Variants in DNAH6 observed in about 807,000 individuals in gnomAD.
DNAH6 encodes the protein dynein axonemal heavy chain 6.
Under a neutral mutation model 491.4 loss-of-function variants are expected in DNAH6, and 340 were observed. The ratio of observed to expected loss-of-function variants is 0.69; its 90% CI spans 0.63 to 0.76. The LOEUF is 0.76. Among genes scored for constraint, DNAH6 ranks in the 30% least tolerant of loss-of-function variants. The probability of loss-of-function intolerance (pLI) is 0.00; values close to 1 mark genes in which losing one functional copy is unlikely to be tolerated. For synonymous variants in DNAH6, 1,603 were observed against 1,686.1 expected (o/e 0.95, Z 1.21); for missense variants, 4,443 against 4,972.2 (o/e 0.89, Z 3.20).
intron 11 of DNAH6, among the ~76,000 whole-genome samples, chr2:84,568,497 A>C (rs1681452347): frequency 6.6e-6 from 1 of 152,160 alleles, no homozygotes; most frequent in Non-Finnish European, 1.5e-5. Flanking sequence ...CTCACTTATA[A>C]GTAGAAGCTG....
At chr2:84,649,896 C>T (rs2104547247) in intron 33 of DNAH6, among the ~76,000 whole-genome samples, 1 of 152,230 alleles carries the variant, frequency 6.6e-6, no homozygotes, top group South Asian at 2.1e-4. Flanking sequence ...TGTAACAAAC[C>T]TGCACATCCT....
the DNAH6 span, among the ~76,000 whole-genome samples, chr2:84,483,974 G>T: frequency 3.3e-5 from 5 of 152,156 alleles, no homozygotes; most frequent in Admixed American, 6.5e-5. Flanking sequence ...ACCTGTTACA[G>T]CTGAACAATA....
chr2:84,677,053 CCT>C lies in DNAH6; in HGVS notation c.6662_6663del (p.Pro2221ArgfsTer36). The part of the protein sequence containing the change: ...ACAPPGGGRN[P>X]VTPRFIRHFS... ...TGCACCTCCAGGCGGTGGCCGCAAC[CCT>C]GTGACTCCCCGCTTCATCAGACACT... On this transcript the variant is annotated frameshift_variant, in exon 41 of 77. Transcript: ENST00000389394. LOFTEE classifies it high-confidence loss of function. 1 of 1,551,746 alleles carries C rather than the reference CCT, an allele frequency of 6.4e-7. No homozygotes were observed. The highest frequency in any genetic ancestry group is 8.7e-7 in the Non-Finnish European group (1 of 1,146,982).
Position 84,516,516 on chromosome 2 carries a change from C to T in DNAH6, c.-76C>T, listed in dbSNP as rs1376384823. The T allele has an allele frequency of 1.3e-5, 2 of 152,216 alleles. No individual in the cohort carries two copies. Among genetic ancestry groups the T allele is most frequent in the African/African-American group, 4.8e-5 (2 of 41,434 alleles). The allele number at this position is 152,216 out of a possible 1,614,324, so 9.4% of individuals were successfully genotyped here. A position where few individuals can be genotyped will look rare whatever the true frequency, so the allele number is the denominator to read the frequency against. On this transcript the variant is annotated 5_prime_UTR_variant, in exon 1 of 77. Transcript: ENST00000389394. Reference sequence around the variant, plus strand: ...AGGAAACATTCCGCGCTACCGAGTACTTTCTACTCCCGACCAGGCATTGCT... The same window carrying T: ...AGGAAACATTCCGCGCTACCGAGTATTTTCTACTCCCGACCAGGCATTGCT...
At chr2:84,695,754 T>C (rs1344082258) in intron 46 of DNAH6, among the ~76,000 whole-genome samples, 1 of 152,080 alleles carries the variant, frequency 6.6e-6, no homozygotes, top group Non-Finnish European at 1.5e-5. Flanking sequence ...TAGTTGCTTA[T>C]CTGTAGTTTC....
intron 17 of DNAH6, 106 bp from the exon 18 acceptor site, chr2:84,595,540 G>T: frequency 7.0e-6 from 7 of 1,002,070 alleles, no homozygotes; most frequent in Non-Finnish European, 9.9e-6. Flanking sequence ...ATTTCCAAAA[G>T]CATAGTGTAG....
intron 45 of DNAH6, among the ~76,000 whole-genome samples, chr2:84,690,292 A>C (rs1694716431): frequency 6.6e-6 from 1 of 152,168 alleles, no homozygotes; most frequent in Non-Finnish European, 1.5e-5. Context: ...TCAGCTCTTT[A>C]ATTAGCCCTA....
chr2:84,676,229 G>A (rs1384790035), intron 40 of DNAH6, among the ~76,000 whole-genome samples: 1 of 152,206 alleles, frequency 6.6e-6, no homozygotes, highest in African/African-American at 2.4e-5. Flanking sequence ...GGTGGAACAA[G>A]ACAACACTCT....
At chr2:84,654,022 A>G (rs757640762) in intron 34 of DNAH6, 148 bp downstream of exon 34, 2 of 660,840 alleles carry the variant, frequency 3.0e-6, no homozygotes, top group Non-Finnish European at 4.8e-6. Flanking sequence ...TCCTTTTGTA[A>G]TAGATTGACA....
chr2:84,538,060 G>A (rs1677869572), intron 4 of DNAH6, among the ~76,000 whole-genome samples: 1 of 152,088 alleles, frequency 6.6e-6, no homozygotes, highest in East Asian at 1.9e-4. Context: ...TTTTACAAAT[G>A]ATGAAAGTCA....
intron 37 of DNAH6, among the ~76,000 whole-genome samples, chr2:84,661,375 T>C (rs1426102608): frequency 6.6e-6 from 1 of 152,016 alleles, no homozygotes; most frequent in Non-Finnish European, 1.5e-5. Context: ...ATACAAACTT[T>C]GGAAAGGAAG....
intron 46 of DNAH6, 139 bp from the exon 47 acceptor site, chr2:84,697,436 T>C: frequency 1.1e-6 from 1 of 946,876 alleles, no homozygotes; most frequent in Non-Finnish European, 1.5e-6. Context: ...ATGTTAGAAC[T>C]TCAGGGTTCC....
the DNAH6 span, among the ~76,000 whole-genome samples, chr2:84,510,915 G>T: frequency 2.0e-5 from 3 of 152,180 alleles, no homozygotes; most frequent in African/African-American, 7.2e-5. Flanking sequence ...AAATGTTGCT[G>T]CCTGATCATT....
intron 61 of DNAH6, 109 bp from the exon 62 acceptor site, chr2:84,733,335 A>G (rs1205995283): frequency 1.1e-6 from 1 of 902,640 alleles, no homozygotes; most frequent in Non-Finnish European, 1.7e-6. Flanking sequence ...GTCCTAGGAA[A>G]ATGGTTATTT....
At chr2:84,489,723 A>C in the DNAH6 span, among the ~76,000 whole-genome samples, 1 of 152,070 alleles carries the variant, frequency 6.6e-6, no homozygotes, top group Non-Finnish European at 1.5e-5. Flanking sequence ...TTAGACCCAC[A>C]GTTCACTCCT....
chr2:84,708,176 G>A (rs918370367), intron 54 of DNAH6, among the ~76,000 whole-genome samples: 5 of 152,036 alleles, frequency 3.3e-5, no homozygotes, highest in African/African-American at 1.2e-4. Context: ...GGTGGCTCAT[G>A]CCTATAATCC....
At chr2:84,659,390 TA>T (rs1691269577) in intron 37 of DNAH6, among the ~76,000 whole-genome samples, 1 of 152,156 alleles carries the variant, frequency 6.6e-6, no homozygotes, top group Non-Finnish European at 1.5e-5. Flanking sequence ...TATAAGTATA[TA>T]AAAACTCTCT....
At chr2:84,517,454 C>A (rs1294722367) in intron 1 of DNAH6, among the ~76,000 whole-genome samples, 1 of 152,138 alleles carries the variant, frequency 6.6e-6, no homozygotes, top group Non-Finnish European at 1.5e-5. Flanking sequence ...TGAACAAGTT[C>A]CGCAGGAGAT....
At chr2:84,708,508 GGAAAGAAAGA>G (rs1696710502) in intron 54 of DNAH6, among the ~76,000 whole-genome samples, 1 of 137,348 alleles carries the variant, frequency 7.3e-6, no homozygotes, top group South Asian at 2.5e-4. Flanking sequence ...AGGAAGGAAG[GGAAAGAAAGA>G]AAGAGAAAGA....
Sources: allele counts gnomAD v4.1 joint callset (sites outside exome capture counted in the v4.1 genomes callset), GRCh38; gene constraint gnomAD v4.1.1; transcripts MANE v1.5; gene names NCBI Gene and HGNC (gene_info 2026-07-23, HGNC 2026-07-21).